The following KLHL1 variants were observed in gnomAD, a reference collection of about 807,000 sequenced individuals.
KLHL1 encodes kelch-like protein 1.
Under a neutral mutation model 77.7 loss-of-function variants are expected in KLHL1, and 47 were observed. The observed-to-expected ratio is 0.60, with a 90% CI of 0.48 to 0.77. The LOEUF is 0.77. Ranked by LOEUF, KLHL1 falls within the 30% of genes least tolerant of loss-of-function variation. The pLI is 0.00. For synonymous variants in KLHL1, 360 were observed against 325.2 expected (o/e 1.11, Z -1.15); for missense variants, 925 against 910.8 (o/e 1.02, Z -0.20).
intron 7 of KLHL1, among the ~76,000 whole-genome samples, 165 bp downstream of exon 7, chr13:69,796,573 A>C (rs1485079188): frequency 6.6e-6 from 1 of 152,190 alleles, no homozygotes; most frequent in Non-Finnish European, 1.5e-5. Flanking sequence ...TTCCAGCTAG[A>C]AGAATAGTGA....
At chr13:69,963,746 A>G (rs534396559) in intron 2 of KLHL1, among the ~76,000 whole-genome samples, 3 of 152,228 alleles carry the variant, frequency 2.0e-5, no homozygotes, top group Admixed American at 6.5e-5. Flanking sequence ...CATAAAATAT[A>G]TTTAAATTTA....
intron 4 of KLHL1, among the ~76,000 whole-genome samples, chr13:69,924,287 C>T (rs570305467): frequency 1.3e-5 from 2 of 152,308 alleles, no homozygotes; most frequent in East Asian, 3.9e-4. Context: ...AGCCTGAGGG[C>T]TGTGCTGATG....
chr13:69,890,941 T>C lies in KLHL1; in HGVS notation c.1015-8446A>G, dbSNP rs146993521. Among the ~76,000 whole-genome samples, 848 of 152,196 alleles carry C rather than the reference T, an allele frequency of 5.6e-3. 9 individuals are homozygous for C. The highest frequency in any genetic ancestry group is 0.02 in the African/African-American group (820 of 41,564). On this transcript the variant is annotated intron_variant, in intron 4 of 10. Transcript: ENST00000377844. ...TGTTTAATTAATATTATTCAAATTATACAACGAAGAAAAGTATTCAAAGAG... is the reference window on the plus strand; with the variant it reads ...TGTTTAATTAATATTATTCAAATTACACAACGAAGAAAAGTATTCAAAGAG...
chr13:69,950,596 T>G (rs1192445130), intron 3 of KLHL1, among the ~76,000 whole-genome samples: 2 of 151,618 alleles, frequency 1.3e-5, no homozygotes, highest in Non-Finnish European at 3.0e-5. Context: ...TAACTCATGG[T>G]CGTAGAAGTT....
At chr13:69,990,635 T>A (rs1288425223) in intron 1 of KLHL1, among the ~76,000 whole-genome samples, 4 of 152,000 alleles carry the variant, frequency 2.6e-5, no homozygotes, top group Non-Finnish European at 4.4e-5. Context: ...CCTAATTCTA[T>A]ATGCACCCAA....
At chr13:69,940,001 A>G (rs770380049) in intron 4 of KLHL1, 39 bp downstream of exon 4, 2 of 1,459,832 alleles carry the variant, frequency 1.4e-6, no homozygotes, top group East Asian at 4.7e-5. Flanking sequence ...CTGATAACAC[A>G]GAGTGTGTCT....
At chr13:69,797,591 C>T (rs141919929) in intron 6 of KLHL1, among the ~76,000 whole-genome samples, 3,094 of 150,398 alleles carry the variant, frequency 0.021, 55 homozygotes, top group Middle Eastern at 0.034. Context: ...CCGAGACGGG[C>T]GGATCACAAG....
At chr13:70,070,542 TA>T (rs79998787) in intron 1 of KLHL1, among the ~76,000 whole-genome samples, 21,363 of 151,736 alleles carry the variant, frequency 0.14, 1,680 homozygotes, top group Non-Finnish European at 0.15. Flanking sequence ...TAAGGAAAAA[TA>T]AAAAAATTCT....
chr13:70,091,782 G>A (rs1399341720), intron 1 of KLHL1, among the ~76,000 whole-genome samples: 1 of 152,130 alleles, frequency 6.6e-6, no homozygotes, highest in African/African-American at 2.4e-5. Flanking sequence ...ACTTCTACAA[G>A]TAAGCTCTGT....
At chr13:69,851,337 A>T (rs1303830316) in intron 5 of KLHL1, among the ~76,000 whole-genome samples, 1 of 151,788 alleles carries the variant, frequency 6.6e-6, no homozygotes, top group Non-Finnish European at 1.5e-5. Flanking sequence ...ACTGGGCAAC[A>T]CAGACTATAG....
chr13:69,898,656 C>T (rs1881736097), intron 4 of KLHL1, among the ~76,000 whole-genome samples: 2 of 152,078 alleles, frequency 1.3e-5, no homozygotes, highest in African/African-American at 4.8e-5. Flanking sequence ...TCATCTTTAC[C>T]CCCAAGCCCC....
At chr13:69,812,692 T>C (rs1303862613) in intron 6 of KLHL1, among the ~76,000 whole-genome samples, 1 of 151,454 alleles carries the variant, frequency 6.6e-6, no homozygotes. Context: ...AAGAAGACAT[T>C]TATGCAGCCA....
intron 1 of KLHL1, among the ~76,000 whole-genome samples, chr13:70,056,645 AAAATAAG>A (rs2137399190): frequency 6.6e-6 from 1 of 152,294 alleles, no homozygotes; most frequent in South Asian, 2.1e-4. Context: ...TCAACAGAAT[AAAATAAG>A]AAATAAGTAA....
At chr13:69,953,242 C>T (rs148251264) in intron 3 of KLHL1, among the ~76,000 whole-genome samples, 1 of 151,234 alleles carries the variant, frequency 6.6e-6, no homozygotes, top group East Asian at 1.9e-4. Flanking sequence ...GACAATTCTC[C>T]ATTTGGGTAT....
intron 6 of KLHL1, among the ~76,000 whole-genome samples, chr13:69,818,217 A>ATTTTTTTTTTTTTTTTTTTTTTTTTT (rs1878195724): frequency 8.8e-5 from 11 of 124,384 alleles, no homozygotes; most frequent in Non-Finnish European, 1.6e-4. Context: ...ACTCATAGGC[A>ATTTTTTTTTTTTTTTTTTTTTTTTTT]TCTTTTTTTT....
intron 7 of KLHL1, among the ~76,000 whole-genome samples, chr13:69,757,689 C>T (rs761130281): frequency 7.9e-5 from 12 of 152,064 alleles, no homozygotes; most frequent in Non-Finnish European, 1.6e-4. Context: ...CAGTGGCTTA[C>T]GCCTGTAATC....
At position 69,797,214 on chromosome 13, in the gene KLHL1, G is replaced by A. The variant is rs1877149172; in HGVS notation, c.1415-252C>T. Among the ~76,000 whole-genome samples the A allele has an allele frequency of 3.3e-5, 5 of 152,118 alleles. No individual in the cohort carries two copies. The South Asian group carries it at 1.0e-3, about 32-fold the overall frequency. ...CATAATGGTCTCATGCTAAACTATT[G>A]ATTCTATAGAAACATTGGTGAGCAT... On this transcript the variant is annotated intron_variant, in intron 6 of 10. Coordinates refer to ENST00000377844, the MANE Select transcript of KLHL1 (RefSeq NM_020866.3).
At chr13:70,010,604 A>T (rs1200337410) in intron 1 of KLHL1, among the ~76,000 whole-genome samples, 1 of 152,194 alleles carries the variant, frequency 6.6e-6, no homozygotes, top group African/African-American at 2.4e-5. Context: ...TATAAACAAG[A>T]GTTCAGGCTG....
At chr13:70,076,049 C>A (rs7999396) in intron 1 of KLHL1, among the ~76,000 whole-genome samples, 2 of 151,384 alleles carry the variant, frequency 1.3e-5, no homozygotes, top group Non-Finnish European at 2.9e-5. Flanking sequence ...TGTTAAGATG[C>A]GAGTTCTCCC....
Sources: allele counts gnomAD v4.1 joint callset (sites outside exome capture counted in the v4.1 genomes callset), GRCh38; gene constraint gnomAD v4.1.1; transcripts MANE v1.5; gene names NCBI Gene and HGNC (gene_info 2026-07-23, HGNC 2026-07-21).